Variants in CREBBP observed in about 807,000 individuals in gnomAD.
CREBBP encodes the protein CREB binding lysine acetyltransferase, also known as CREB-binding protein.
CREBBP carries 19 observed loss-of-function variants against 265.0 expected under a neutral mutation model. That is an observed-to-expected ratio of 0.07 (90% CI 0.05 to 0.11). The LOEUF (loss-of-function observed/expected upper bound fraction) is 0.11. Ranked by LOEUF, CREBBP falls within the 10% of genes least tolerant of loss-of-function variation. The pLI is 1.00. For synonymous variants in CREBBP, 1,457 were observed against 1,223.7 expected (o/e 1.19, Z -3.98); for missense variants, 2,525 against 3,219.0 (o/e 0.78, Z 5.22).
In CREBBP at chr16:3,728,744, G is replaced by T. The variant is rs780441901; in HGVS notation, c.6303C>A (p.Ile2101=). The change falls in exon 31 of 31, where the codon ATC becomes ATA. Residue 2101 remains isoleucine, a synonymous_variant. Transcript: ENST00000262367. This position sits in a 1 kb window ranked among gnomAD's most constrained non-coding sequence, Gnocchi z 8.7. ...KSNPQLMAAF[I]KQRTAKYVAN... Reference sequence around the variant, plus strand: ...CCACGTACTTGGCTGTGCGCTGTTTGATGAAAGCTGCCATTAGCTGCGGGT... The same window carrying T: ...CCACGTACTTGGCTGTGCGCTGTTTTATGAAAGCTGCCATTAGCTGCGGGT... The T allele has an allele frequency of 6.2e-7, 1 of 1,613,906 alleles. No homozygotes were observed. Among genetic ancestry groups the T allele is most frequent in the Admixed American group, 1.7e-5 (1 of 60,034 alleles).
intron 5 of CREBBP, among the ~76,000 whole-genome samples, chr16:3,791,629 G>GA (rs1760006507): frequency 6.6e-6 from 1 of 152,164 alleles, no homozygotes; most frequent in Non-Finnish European, 1.5e-5. Context: ...ATAGCGACAT[G>GA]GAATTTAAAT....
intron 1 of CREBBP, among the ~76,000 whole-genome samples, chr16:3,854,506 A>C (rs1217295728): frequency 6.6e-6 from 1 of 152,238 alleles, no homozygotes; most frequent in African/African-American, 2.4e-5. Flanking sequence ...CTATCACTTA[A>C]GCCATTTTAG....
chr16:3,805,997 G>T (rs1207039945), intron 3 of CREBBP, among the ~76,000 whole-genome samples: 11 of 152,238 alleles, frequency 7.2e-5, no homozygotes, highest in Non-Finnish European at 1.5e-4. Context: ...ACAAGACACA[G>T]ATTCTGCACC....
In CREBBP at chr16:3,731,082, G is replaced by C; in HGVS notation, c.5172+110C>G. 1 of 1,154,466 alleles carries C rather than the reference G, an allele frequency of 8.7e-7. No homozygotes were observed. Among genetic ancestry groups the C allele is most frequent in the Admixed American group, 1.8e-5 (1 of 56,580 alleles). The allele number at this position is 1,154,466 out of a possible 1,614,324, so 71.5% of individuals were successfully genotyped here. A position where few individuals can be genotyped will look rare whatever the true frequency, so the allele number is the denominator to read the frequency against. ...CGCTGTCCTAGTTCTGGAGGAGTCA[G>C]TGCAGCCACCATCAGGTACAGACAC... On this transcript the variant is annotated intron_variant, in intron 30 of 30. Transcript: ENST00000262367. The surrounding 1 kb of genome is among the most constrained non-coding windows in gnomAD (Gnocchi z 7.7).
chr16:3,779,527 C>T (rs937647484), intron 8 of CREBBP, among the ~76,000 whole-genome samples: 2 of 152,190 alleles, frequency 1.3e-5, no homozygotes, highest in African/African-American at 4.8e-5. Context: ...GATCATGTAT[C>T]TCTGGTGGCA....
chr16:3,841,971 C>T (rs1329926986), intron 2 of CREBBP, among the ~76,000 whole-genome samples: 1 of 152,120 alleles, frequency 6.6e-6, no homozygotes, highest in Non-Finnish European at 1.5e-5. Context: ...TAGTATCTGA[C>T]CAAAATGATG....
At position 3,727,804 on chromosome 16, in the gene CREBBP, G is replaced by A. The variant is rs749448607; in HGVS notation, c.7243C>T (p.Pro2415Ser). 1.9e-5 allele frequency: 31 copies of A among 1,614,060 alleles called. No homozygotes were observed. Among genetic ancestry groups the A allele is most frequent in the Non-Finnish European group, 2.4e-5 (28 of 1,180,054 alleles). The change falls in exon 31 of 31, where the codon CCC (proline) becomes TCC (serine). Residue 2415 changes from proline to serine, a missense_variant. This residue lies in a region of CREBBP where 473 missense variants were observed against 459.3 expected (regional missense o/e 1.03). Coordinates refer to ENST00000262367, the MANE Select transcript of CREBBP (RefSeq NM_004380.3). Reference protein sequence around the residue: ...QSAMLPQLNTPSRSALSSELS... With the variant: ...QSAMLPQLNTSSRSALSSELS... Reference sequence around the variant, plus strand: ...TCGCTGGACAGCGCACTCCTGCTGGGGGTGTTCAGCTGGGGGAGCATTGCA... The same window carrying A: ...TCGCTGGACAGCGCACTCCTGCTGGAGGTGTTCAGCTGGGGGAGCATTGCA...
chr16:3,850,235 A>G (rs991103931), intron 2 of CREBBP, 62 bp downstream of exon 2: 1 of 1,570,272 alleles, frequency 6.4e-7, no homozygotes. Context: ...CATTTTACGC[A>G]TTACTCGGAG....
At chr16:3,854,806 T>C (rs1184903343) in intron 1 of CREBBP, among the ~76,000 whole-genome samples, 4 of 152,200 alleles carry the variant, frequency 2.6e-5, no homozygotes, top group Non-Finnish European at 5.9e-5. Context: ...CTCTTGTCAG[T>C]CTAGAAAACC....
At position 3,793,456 on chromosome 16, in the gene CREBBP, G is replaced by A. The variant is rs1375623286; in HGVS notation, c.1146C>T (p.Leu382=). 1.2e-6 allele frequency: 2 copies of A among 1,614,070 alleles called. No individual in the cohort carries two copies. The highest frequency in any genetic ancestry group is 8.5e-7 in the Non-Finnish European group (1 of 1,180,018). ...CGTTTTTCATGGTTCGACAATGCGGGAGCGAGCAGGCCCGAACCTCTCCGT... is the reference window on the plus strand; with the variant it reads ...CGTTTTTCATGGTTCGACAATGCGGAAGCGAGCAGGCCCGAACCTCTCCGT... ...QANGEVRACS[L]PHCRTMKNVL... Residue 382 remains leucine, a synonymous_variant, in exon 4 of 31, where the codon CTC becomes CTT. Transcript: ENST00000262367.
At chr16:3,879,780 G>T (rs2141615313) in intron 1 of CREBBP, 52 bp downstream of exon 1, 5 of 1,529,486 alleles carry the variant, frequency 3.3e-6, no homozygotes, top group Non-Finnish European at 4.4e-6. Flanking sequence ...TCTCTTTCAG[G>T]TGGGGGTGAC....
At chr16:3,851,725 G>A (rs1293208591) in intron 1 of CREBBP, among the ~76,000 whole-genome samples, 1 of 151,324 alleles carries the variant, frequency 6.6e-6, no homozygotes, top group Non-Finnish European at 1.5e-5. Context: ...GCGGTGGCGG[G>A]CGCCTGTAGT....
intron 2 of CREBBP, among the ~76,000 whole-genome samples, chr16:3,849,477 G>GACCTTGGAGCCACCTGGAGGCTGC (rs2054776862): frequency 8.2e-6 from 1 of 121,862 alleles, no homozygotes; most frequent in Admixed American, 9.2e-5. Flanking sequence ...GTGTGTGTGT[G>GACCTTGGAGCCACCTGGAGGCTGC]TGTGTGTGTG....
At chr16:3,761,473 GA>G (rs2052715862) in intron 16 of CREBBP, 1 of 504,676 alleles carries the variant, frequency 2.0e-6, no homozygotes, top group African/African-American at 2.0e-5. Context: ...AAGTTGGAAG[GA>G]AAAACCCATG....
intron 2 of CREBBP, among the ~76,000 whole-genome samples, chr16:3,816,185 CTAAAT>C (rs946717258): frequency 2.0e-5 from 3 of 152,116 alleles, no homozygotes; most frequent in African/African-American, 7.2e-5. Context: ...CATAATGAAA[CTAAAT>C]TAAACAATGC....
chr16:3,858,418 T>C (rs946210385), intron 1 of CREBBP, among the ~76,000 whole-genome samples: 1 of 152,192 alleles, frequency 6.6e-6, no homozygotes, highest in East Asian at 1.9e-4. Context: ...TATCACACCT[T>C]CTCCTGGAAA....
chr16:3,826,436 G>A (rs1189817810), intron 2 of CREBBP, among the ~76,000 whole-genome samples: 3 of 152,050 alleles, frequency 2.0e-5, no homozygotes, highest in East Asian at 1.9e-4. Flanking sequence ...GGAGGGAAGC[G>A]GAGCATTACA....
chr16:3,855,783 C>G (rs1298127069), intron 1 of CREBBP, among the ~76,000 whole-genome samples: 1 of 152,314 alleles, frequency 6.6e-6, no homozygotes, highest in East Asian at 1.9e-4. Flanking sequence ...CGCTATTTTG[C>G]TATCCTAAAT....
chr16:3,868,355 G>T (rs577045345), intron 1 of CREBBP, among the ~76,000 whole-genome samples: 1 of 130,180 alleles, frequency 7.7e-6, no homozygotes, highest in Admixed American at 7.4e-5. Context: ...CTTTTCATGG[G>T]GCCCTTTTCC....
Sources: allele counts gnomAD v4.1 joint callset (sites outside exome capture counted in the v4.1 genomes callset), GRCh38; gene constraint gnomAD v4.1.1; regional missense constraint gnomAD v4.1.1; non-coding constraint Gnocchi (gnomAD v3.1); transcripts MANE v1.5; gene names NCBI Gene and HGNC (gene_info 2026-07-23, HGNC 2026-07-21).